The following FOXN3 variants were observed in gnomAD, a reference collection of about 807,000 sequenced individuals.
The protein encoded by FOXN3 is forkhead box protein N3.
FOXN3 carries 7 observed loss-of-function variants against 38.4 expected under a neutral mutation model. The ratio of observed to expected loss-of-function variants is 0.18; its 90% CI spans 0.10 to 0.34. The LOEUF (loss-of-function observed/expected upper bound fraction) is 0.34. Among genes scored for constraint, FOXN3 ranks in the 10% least tolerant of loss-of-function variants. The pLI is 1.00. For synonymous variants in FOXN3, 230 were observed against 242.2 expected, an observed-to-expected ratio of 0.95 and a Z score of 0.47; for missense variants, 456 against 613.4, an observed-to-expected ratio of 0.74 and a Z score of 2.71.
chr14:89,471,669 C>G (rs570252774), intron 1 of FOXN3, among the ~76,000 whole-genome samples: 2 of 152,188 alleles, frequency 1.3e-5, no homozygotes, highest in African/African-American at 2.4e-5. Flanking sequence ...ACACATACTA[C>G]AAACATCACA....
chr14:89,443,949 C>T (rs1315483400), intron 1 of FOXN3, among the ~76,000 whole-genome samples: 3 of 132,360 alleles, frequency 2.3e-5, no homozygotes, highest in African/African-American at 8.7e-5. Flanking sequence ...GTGGAGGTTG[C>T]AGTGAGCCAA....
At chr14:89,503,233 T>C (rs900839710) in intron 1 of FOXN3, among the ~76,000 whole-genome samples, 20 of 152,138 alleles carry the variant, frequency 1.3e-4, no homozygotes, top group African/African-American at 4.3e-4. Flanking sequence ...GCAAACTCTT[T>C]TGCAGAAAAT....
intron 3 of FOXN3, among the ~76,000 whole-genome samples, chr14:89,323,668 A>G (rs59159958): frequency 0.025 from 3,765 of 152,140 alleles, 144 homozygotes; most frequent in African/African-American, 0.086. Flanking sequence ...GCAGTGAGCC[A>G]AGATCACGCC....
At chr14:89,340,771 G>A (rs766578712) in intron 3 of FOXN3, among the ~76,000 whole-genome samples, 2 of 151,886 alleles carry the variant, frequency 1.3e-5, no homozygotes, top group Non-Finnish European at 2.9e-5. Flanking sequence ...AAACACTGCC[G>A]TGATCATTTT....
intron 1 of FOXN3, among the ~76,000 whole-genome samples, chr14:89,499,646 T>C (rs1440768669): frequency 1.3e-5 from 2 of 152,204 alleles, no homozygotes; most frequent in Non-Finnish European, 2.9e-5. Flanking sequence ...AAATTTCTGA[T>C]GAACTGGTTA....
chr14:89,314,992 C>T (rs1039964850), intron 3 of FOXN3, among the ~76,000 whole-genome samples: 3 of 152,032 alleles, frequency 2.0e-5, no homozygotes, highest in African/African-American at 7.2e-5. Flanking sequence ...AAGGTCACCT[C>T]CCCAGTAATC....
chr14:89,288,604 C>G (rs1353734876), intron 3 of FOXN3, among the ~76,000 whole-genome samples: 1 of 148,222 alleles, frequency 6.7e-6, no homozygotes, highest in Non-Finnish European at 1.5e-5. Flanking sequence ...CCAAATACTA[C>G]ACAGATATAG....
At chr14:89,546,199 G>C (rs1226889349) in intron 1 of FOXN3, among the ~76,000 whole-genome samples, 1 of 152,126 alleles carries the variant, frequency 6.6e-6, no homozygotes, top group African/African-American at 2.4e-5. Flanking sequence ...TTGTATGGGA[G>C]TGCTTTTTGC....
chr14:89,157,421 G>C lies in FOXN3; in HGVS notation c.*4993C>G, dbSNP rs929133566. The C allele has an allele frequency of 2.0e-5, 3 of 152,656 alleles. No individual in the cohort carries two copies. Among genetic ancestry groups the C allele is most frequent in the African/African-American group, 7.2e-5 (3 of 41,468 alleles). The allele number at this position is 152,656 out of a possible 1,614,324, so 9.5% of individuals were successfully genotyped here. On this transcript the variant is annotated 3_prime_UTR_variant, in exon 6 of 6. Coordinates refer to ENST00000557258, the MANE Select transcript of FOXN3 (RefSeq NM_005197.4). ...TAATTCAAGAATAACCAGTAGGAGA[G>C]AGAGAAAACACAAGGAGTTAACCAC...
chr14:89,419,036 T>C (rs1329859971), upstream of FOXN3: 1 of 432,382 alleles, frequency 2.3e-6, no homozygotes, highest in Non-Finnish European at 4.7e-6. Context: ...CCCTCCTGCT[T>C]TCTCAGAGTT....
At chr14:89,518,628 A>G (rs1894255032) in intron 1 of FOXN3, among the ~76,000 whole-genome samples, 1 of 152,218 alleles carries the variant, frequency 6.6e-6, no homozygotes, top group Admixed American at 6.5e-5. Context: ...CAACATTTTA[A>G]ATAAAATGTT....
At chr14:89,533,225 G>T (rs1894609582) in intron 1 of FOXN3, among the ~76,000 whole-genome samples, 2 of 152,144 alleles carry the variant, frequency 1.3e-5, no homozygotes. Flanking sequence ...GAGGCCCCTT[G>T]TTCCATCCCG....
chr14:89,500,044 G>T (rs1893764005), intron 1 of FOXN3, among the ~76,000 whole-genome samples: 1 of 152,054 alleles, frequency 6.6e-6, no homozygotes, highest in African/African-American at 2.4e-5. Context: ...GTAGAGATGG[G>T]GTTTCACCAT....
At chr14:89,320,312 G>C (rs1887861814) in intron 3 of FOXN3, among the ~76,000 whole-genome samples, 1 of 152,150 alleles carries the variant, frequency 6.6e-6, no homozygotes, top group Non-Finnish European at 1.5e-5. Context: ...CTATCTATTG[G>C]CAGAAAACAG....
At chr14:89,522,019 C>CAAAAAAAAAAAAAAAAAAAAAAAAAAA (rs34340241) in intron 1 of FOXN3, among the ~76,000 whole-genome samples, 1 of 137,414 alleles carries the variant, frequency 7.3e-6, no homozygotes, top group African/African-American at 2.8e-5. Flanking sequence ...GACCCTGTCT[C>CAAAAAAAAAAAAAAAAAAAAAAAAAAA]AAAAAAAAAG....
In FOXN3 at chr14:89,511,202, CTTT is replaced by C. The variant is rs1259925539; in HGVS notation, c.-14-98715_-14-98713del. On this transcript the variant is annotated intron_variant, in intron 1 of 6. Transcript: ENST00000345097. ...CTTTCTTTCTTTCTTTTCTTTCTTT[CTTT>C]TCTTTCTTTCTTTCTTTCTTTCTTT... Among the ~76,000 whole-genome samples the C allele has an allele frequency of 9.3e-4, 8 of 8,586 alleles. 3 individuals are homozygous for C. The highest frequency in any genetic ancestry group is 1.4e-3 in the African/African-American group (8 of 5,630). The allele number at this position is 8,586 out of a possible 152,430, so 5.6% of individuals were successfully genotyped here. A position where few individuals can be genotyped will look rare whatever the true frequency, so the allele number is the denominator to read the frequency against.
chr14:89,315,332 T>A (rs373518670), intron 3 of FOXN3, among the ~76,000 whole-genome samples: 1 of 152,186 alleles, frequency 6.6e-6, no homozygotes, highest in East Asian at 1.9e-4. Context: ...AAATAAAATC[T>A]TTAACGTCGG....
At chr14:89,321,468 T>A (rs371513496) in intron 3 of FOXN3, among the ~76,000 whole-genome samples, 3 of 151,780 alleles carry the variant, frequency 2.0e-5, no homozygotes, top group African/African-American at 7.3e-5. Flanking sequence ...CCCAGCTACT[T>A]CGGGAGGCTG....
At chr14:89,432,020 G>A (rs545329239) in intron 1 of FOXN3, among the ~76,000 whole-genome samples, 3 of 152,300 alleles carry the variant, frequency 2.0e-5, no homozygotes, top group East Asian at 1.9e-4. Flanking sequence ...CGGCTGTGTT[G>A]TTGCTTTTTT....
Sources: allele counts gnomAD v4.1 joint callset (sites outside exome capture counted in the v4.1 genomes callset), GRCh38; gene constraint gnomAD v4.1.1; transcripts MANE v1.5; gene names NCBI Gene and HGNC (gene_info 2026-07-23, HGNC 2026-07-21).